The following ACSS3 variants were observed in gnomAD, a reference collection of about 807,000 sequenced individuals.
The protein encoded by ACSS3 is acyl-CoA synthetase short-chain family member 3, mitochondrial.
ACSS3 carries 64 observed loss-of-function variants against 84.2 expected under a neutral mutation model. The ratio of observed to expected loss-of-function variants is 0.76; its 90% confidence interval spans 0.62 to 0.94. The LOEUF (loss-of-function observed/expected upper bound fraction) is 0.94, where lower values mean the gene tolerates loss of function less well. Ranked by LOEUF, ACSS3 falls within the 40% of genes least tolerant of loss-of-function variation. ACSS3 has a pLI of 0.00. For synonymous variants in ACSS3, 317 were observed against 310.1 expected, an observed-to-expected ratio of 1.02 and a Z score of -0.23; for missense variants, 815 against 867.6, an observed-to-expected ratio of 0.94 and a Z score of 0.76.
chr12:81,235,230 A>T (rs1327839767), intron 13 of ACSS3, among the ~76,000 whole-genome samples: 1 of 151,366 alleles, frequency 6.6e-6, no homozygotes, highest in East Asian at 1.9e-4. Flanking sequence ...TCAGATGATA[A>T]TATTGGAGTG....
At chr12:81,233,261 C>T (rs750826337) in intron 12 of ACSS3, 88 bp from the exon 13 acceptor site, 36 of 1,439,760 alleles carry the variant, frequency 2.5e-5, no homozygotes, top group Non-Finnish European at 2.9e-5. Context: ...AAATCCATTT[C>T]TATTACATTG....
rs1024149046 is a variant in ACSS3 at position 81,078,145 on chromosome 12, C to T, written c.25C>T (p.Arg9Cys). The T allele has an allele frequency of 6.6e-7, 1 of 1,506,030 alleles. No homozygotes were observed. Among genetic ancestry groups the T allele is most frequent in the Non-Finnish European group, 8.8e-7 (1 of 1,131,738 alleles). The allele number at this position is 1,506,030 out of a possible 1,614,324, so 93.3% of individuals were successfully genotyped here. Residue 9 changes from arginine to cysteine, a missense_variant, in exon 1 of 16, where the codon CGT becomes TGT. Transcript: ENST00000548058. MKPSWLQC[R>C]KVTSAGGLGG... is the part of the protein sequence containing the mutation. ...GATGAAACCGTCTTGGCTGCAGTGT[C>T]GTAAAGTCACCAGCGCCGGGGGGCT...
At chr12:81,160,303 A>G (rs1026268927) in intron 7 of ACSS3, among the ~76,000 whole-genome samples, 9 of 152,224 alleles carry the variant, frequency 5.9e-5, no homozygotes, top group African/African-American at 1.9e-4. Context: ...AGCCTTTTCA[A>G]TAAATTCTTC....
At chr12:81,165,503 A>G (rs1483162847) in intron 7 of ACSS3, among the ~76,000 whole-genome samples, 1 of 152,066 alleles carries the variant, frequency 6.6e-6, no homozygotes, top group Non-Finnish European at 1.5e-5. Flanking sequence ...AAAATTAGCC[A>G]GGCGTGGTGG....
intron 7 of ACSS3, among the ~76,000 whole-genome samples, chr12:81,156,188 ACACACACACACACACACACCC>A (rs1237367087): frequency 3.9e-5 from 3 of 76,636 alleles, no homozygotes; most frequent in African/African-American, 6.8e-5. Context: ...CCAGGAAAAC[ACACACACACACACACACACCC>A]CACACACACA....
chr12:81,146,385 A>C (rs954877623), intron 5 of ACSS3, among the ~76,000 whole-genome samples: 6 of 152,182 alleles, frequency 3.9e-5, no homozygotes, highest in African/African-American at 1.4e-4. Context: ...CACATGCATT[A>C]ATGGAGCATT....
At chr12:81,177,704 C>T (rs571177054) in intron 8 of ACSS3, among the ~76,000 whole-genome samples, 1 of 152,218 alleles carries the variant, frequency 6.6e-6, no homozygotes, top group South Asian at 2.1e-4. Flanking sequence ...CCAAAAAACA[C>T]ATGAAAAAAT....
chr12:81,197,289 C>A (rs2031882756), intron 8 of ACSS3, among the ~76,000 whole-genome samples: 1 of 152,076 alleles, frequency 6.6e-6, no homozygotes, highest in South Asian at 2.1e-4. Context: ...CTGTTTAAAA[C>A]CTCTATTTTC....
chr12:81,219,425 T>C (rs974682025), intron 10 of ACSS3, among the ~76,000 whole-genome samples: 44 of 152,258 alleles, frequency 2.9e-4, no homozygotes, highest in African/African-American at 9.4e-4. Flanking sequence ...TGATGACTTA[T>C]CTTCATATTT....
chr12:81,252,433 AG>A (rs1165433817), intron 13 of ACSS3, among the ~76,000 whole-genome samples: 1 of 152,138 alleles, frequency 6.6e-6, no homozygotes, highest in Admixed American at 6.5e-5. Flanking sequence ...AATGAATAGA[AG>A]AAAGAACAAG....
chr12:81,092,413 A>G (rs1191546734), intron 1 of ACSS3, among the ~76,000 whole-genome samples: 1 of 152,116 alleles, frequency 6.6e-6, no homozygotes, highest in African/African-American at 2.4e-5. Flanking sequence ...TCTAGTTATT[A>G]TTTTCTGAAA....
intron 1 of ACSS3, among the ~76,000 whole-genome samples, chr12:81,096,081 A>C (rs1882021474): frequency 6.6e-6 from 1 of 152,208 alleles, no homozygotes; most frequent in Non-Finnish European, 1.5e-5. Flanking sequence ...TTCAGATGGG[A>C]TATCACTGTG....
intron 8 of ACSS3, among the ~76,000 whole-genome samples, chr12:81,192,831 CTT>C (rs2031639903): frequency 6.6e-6 from 1 of 152,168 alleles, no homozygotes; most frequent in African/African-American, 2.4e-5. Context: ...GACAATCAGT[CTT>C]ATGTCTCTCT....
intron 2 of ACSS3, among the ~76,000 whole-genome samples, chr12:81,125,170 C>T (rs1291800912): frequency 6.6e-6 from 1 of 152,046 alleles, no homozygotes; most frequent in Non-Finnish European, 1.5e-5. Context: ...GCCGAGATTG[C>T]GCCACCGCAC....
chr12:81,214,698 C>T (rs968143564), intron 9 of ACSS3, among the ~76,000 whole-genome samples: 1 of 152,170 alleles, frequency 6.6e-6, no homozygotes, highest in African/African-American at 2.4e-5. Context: ...AGGTTATACT[C>T]TCACCTTCTT....
intron 9 of ACSS3, among the ~76,000 whole-genome samples, chr12:81,215,323 G>C (rs2032869942): frequency 1.3e-5 from 2 of 151,734 alleles, no homozygotes; most frequent in South Asian, 2.1e-4. Context: ...ACTTGCCGAT[G>C]ATCCTCAGCA....
chr12:81,121,915 A>ATATTATTATTATTATTAT lies in ACSS3; in HGVS notation c.456+12228_456+12245dup, dbSNP rs10527532. ...GTGCTCAGATAATCCAGAGTATGCT[A>ATATTATTATTATTATTAT]TATTATTATTATTATTATTATTATT... On this transcript the variant is annotated intron_variant, in intron 2 of 15. Coordinates refer to ENST00000548058, the MANE Select transcript of ACSS3 (RefSeq NM_024560.4). Among the ~76,000 whole-genome samples, 695 of 146,128 alleles carry ATATTATTATTATTATTAT rather than the reference A, an allele frequency of 4.8e-3. 3 individuals carry two copies. The highest frequency in any genetic ancestry group is 0.013 in the African/African-American group (492 of 39,182).
chr12:81,103,919 TTAA>T (rs980687792), intron 1 of ACSS3, among the ~76,000 whole-genome samples: 1 of 152,172 alleles, frequency 6.6e-6, no homozygotes, highest in African/African-American at 2.4e-5. Flanking sequence ...TAAAATGGGA[TTAA>T]TAATAATACC....
intron 2 of ACSS3, among the ~76,000 whole-genome samples, chr12:81,113,503 CT>C (rs1161678060): frequency 6.6e-6 from 1 of 152,030 alleles, no homozygotes; most frequent in Non-Finnish European, 1.5e-5. Context: ...ATTTGTCTCT[CT>C]TTTTTAGTGT....
Sources: gnomAD v4.1 joint callset for allele counts (sites outside exome capture counted in the v4.1 genomes callset) on GRCh38, gnomAD v4.1.1 for gene constraint, MANE v1.5 for transcripts, NCBI Gene and HGNC (gene_info 2026-07-23, HGNC 2026-07-21) for gene names.